MYH11: variants seen among roughly 807,000 people sequenced by gnomAD.
MYH11 encodes the protein myosin-11.
A neutral mutation model predicts 246.6 loss-of-function variants in MYH11; 80 were observed. That is an observed-to-expected ratio of 0.32 (90% CI 0.27 to 0.39). The LOEUF (loss-of-function observed/expected upper bound fraction) is 0.39, where lower values mean the gene tolerates loss of function less well. Ranked by LOEUF, MYH11 falls within the 10% of genes least tolerant of loss-of-function variation. MYH11 has a pLI of 1.00. For synonymous variants in MYH11, 1,071 were observed against 1,015.5 expected (o/e 1.05, Z -1.04); for missense variants, 2,158 against 2,546.8 (o/e 0.85, Z 3.29).
intron 2 of MYH11, among the ~76,000 whole-genome samples, chr16:15,836,653 G>A (rs560150664): frequency 1.3e-5 from 2 of 151,720 alleles, no homozygotes; most frequent in Non-Finnish European, 1.5e-5. Flanking sequence ...ACCCACCTTG[G>A]CCTCCCAAAG....
At chr16:15,733,877 G>A (rs996124607) in intron 26 of MYH11, among the ~76,000 whole-genome samples, 2 of 152,178 alleles carry the variant, frequency 1.3e-5, no homozygotes, top group Non-Finnish European at 2.9e-5. Flanking sequence ...AAGGCCAAGC[G>A]GCAAGGGAGC....
chr16:15,737,535 C>T lies in MYH11; in HGVS notation c.3207G>A (p.Glu1069=). 1 of 1,614,088 alleles carries T rather than the reference C, an allele frequency of 6.2e-7. No homozygotes were observed. The highest frequency in any genetic ancestry group is 8.5e-7 in the Non-Finnish European group (1 of 1,180,046). ...KLEGDASDFH[E]QIADLQAQIA... ...TCTGCGCCTGGAGGTCAGCGATCTG[C>T]TCGTGGAAGTCGCTGGCATCACCCT... The change falls in exon 25 of 41, where the codon GAG becomes GAA. Residue 1069 remains glutamate, a synonymous_variant. Coordinates refer to ENST00000300036, the MANE Select transcript of MYH11 (RefSeq NM_002474.3).
chr16:15,747,431 T>C, intron 19 of MYH11, 139 bp downstream of exon 19: 1 of 1,044,144 alleles, frequency 9.6e-7, no homozygotes, highest in Non-Finnish European at 1.5e-6. Flanking sequence ...GAAGCATTTC[T>C]TCCCCTTCAA....
At chr16:15,720,396 C>T (rs2040404705) in intron 33 of MYH11, 84 bp from the exon 34 acceptor site, 18 of 1,523,040 alleles carry the variant, frequency 1.2e-5, no homozygotes, top group Non-Finnish European at 1.4e-5. Context: ...CACTGCACCC[C>T]TTCCCCAGCA....
At chr16:15,763,741 T>TCCGGGCC in intron 10 of MYH11, 55 bp downstream of exon 10, 2 of 646,860 alleles carry the variant, frequency 3.1e-6, no homozygotes. Flanking sequence ...AAATGTCACC[T>TCCGGGCC]CCCCCACCCC....
intron 3 of MYH11, among the ~76,000 whole-genome samples, chr16:15,804,319 T>G (rs986294908): frequency 1.3e-5 from 2 of 152,042 alleles, no homozygotes; most frequent in Non-Finnish European, 2.9e-5. Flanking sequence ...TCTCCTAAAG[T>G]CGGGAGTTTG....
chr16:15,854,009 C>T (rs1596963903), intron 1 of MYH11, among the ~76,000 whole-genome samples: 1 of 152,024 alleles, frequency 6.6e-6, no homozygotes, highest in Non-Finnish European at 1.5e-5. Flanking sequence ...CCAGCCTGGG[C>T]GACAGAGCAA....
intron 4 of MYH11, among the ~76,000 whole-genome samples, chr16:15,789,285 A>AGGGCAG (rs1181885090): frequency 6.6e-6 from 1 of 152,194 alleles, no homozygotes; most frequent in Non-Finnish European, 1.5e-5. Flanking sequence ...GGCCAGAAGA[A>AGGGCAG]GGGCAGGGGA....
At chr16:15,806,557 C>T (rs993786876) in intron 3 of MYH11, among the ~76,000 whole-genome samples, 4 of 152,106 alleles carry the variant, frequency 2.6e-5, no homozygotes, top group Non-Finnish European at 5.9e-5. Context: ...GTTATGCAGA[C>T]ATAGCTGCAA....
chr16:15,732,397 G>T, intron 27 of MYH11, 167 bp downstream of exon 27: 1 of 1,068,770 alleles, frequency 9.4e-7, no homozygotes, highest in Non-Finnish European at 1.4e-6. Flanking sequence ...ACCTCACCCA[G>T]CCTGTATGGG....
intron 10 of MYH11, among the ~76,000 whole-genome samples, 176 bp from the exon 11 acceptor site, chr16:15,760,834 C>T (rs2041851782): frequency 1.3e-5 from 2 of 152,198 alleles, no homozygotes; most frequent in Non-Finnish European, 2.9e-5. Flanking sequence ...TTAGTGGTCA[C>T]ACTCCCCAGT....
intron 2 of MYH11, among the ~76,000 whole-genome samples, chr16:15,830,363 A>G (rs1453225086): frequency 6.6e-6 from 1 of 152,212 alleles, no homozygotes; most frequent in Non-Finnish European, 1.5e-5. Context: ...AAGAGCAAAA[A>G]GACTAGAAAC....
rs564538950 is a variant in MYH11 at position 15,845,722 on chromosome 16, G to A, written c.-17-7453C>T. Among the ~76,000 whole-genome samples, 140 of 151,972 alleles carry A rather than the reference G, an allele frequency of 9.2e-4. No individual in the cohort carries two copies. In the East Asian group the frequency reaches 0.015, roughly 17 times the overall value. On this transcript the variant is annotated intron_variant, in intron 1 of 40. Transcript: ENST00000300036. ...TGTGTGTGTGTGAGAGAGAGAGAGA[G>A]AAAAAGAAGGAGAGAGAGAGAGAGA...
chr16:15,735,360 C>T lies in MYH11; in HGVS notation c.3506+6G>A, dbSNP rs2041086002. 1 of 1,613,316 alleles carries T rather than the reference C, an allele frequency of 6.2e-7. No homozygotes were observed. The highest frequency in any genetic ancestry group is 1.1e-5 in the South Asian group (1 of 91,052). ...AGCAGGATGGTGGGATTGATGGGCCCCTCACCTGAGCTCCTGCTGAGTGGC... is the reference window on the plus strand; with the variant it reads ...AGCAGGATGGTGGGATTGATGGGCCTCTCACCTGAGCTCCTGCTGAGTGGC... On this transcript the variant is annotated splice_donor_region_variant and intron_variant, in intron 26 of 40. Coordinates refer to ENST00000300036, the MANE Select transcript of MYH11 (RefSeq NM_002474.3).
chr16:15,708,857 A>C (rs775922381), intron 40 of MYH11: 2 of 1,608,750 alleles, frequency 1.2e-6, no homozygotes, highest in South Asian at 2.2e-5. Flanking sequence ...ACAGAGAGAG[A>C]ATCCCCGGAG....
intron 2 of MYH11, among the ~76,000 whole-genome samples, chr16:15,830,523 G>A (rs2043706288): frequency 6.6e-6 from 1 of 152,154 alleles, no homozygotes; most frequent in Non-Finnish European, 1.5e-5. Flanking sequence ...AACAGCCGGG[G>A]CCTGTGCTGC....
chr16:15,739,766 C>CAT (rs755931713), intron 23 of MYH11, among the ~76,000 whole-genome samples: 12 of 149,502 alleles, frequency 8.0e-5, no homozygotes, highest in African/African-American at 1.2e-4. Flanking sequence ...TTTTTTGAAA[C>CAT]AGAGTCACTC....
At chr16:15,711,168 C>T (rs1365787966) in intron 40 of MYH11, 4 of 152,294 alleles carry the variant, frequency 2.6e-5, no homozygotes, top group African/African-American at 7.2e-5. Context: ...CAGCTGCTCT[C>T]TTCCCCTTCT....
rs1333228456 is a variant in MYH11, at chr16:15,761,741, T to C, written c.1130-1083A>G. ...CCCCATCTCTTGGCAAGAGCACTTT[T>C]TCATTTCTCTTTCCCTGAGGTCTTT... On this transcript the variant is annotated intron_variant, in intron 10 of 40. Transcript: ENST00000300036. Among the ~76,000 whole-genome samples the C allele has an allele frequency of 2.6e-5, 4 of 152,172 alleles. No individual in the cohort carries two copies. The East Asian group carries it at 7.7e-4, about 29-fold the overall frequency.
Sources: allele counts gnomAD v4.1 joint callset (sites outside exome capture counted in the v4.1 genomes callset), GRCh38; gene constraint gnomAD v4.1.1; transcripts MANE v1.5; gene names NCBI Gene and HGNC (gene_info 2026-07-23, HGNC 2026-07-21).